Variants in PDE1A observed in about 807,000 individuals in gnomAD.
The protein encoded by PDE1A is phosphodiesterase 1A, also known as dual specificity calcium/calmodulin-dependent 3',5'-cyclic nucleotide phosphodiesterase 1A.
A neutral mutation model predicts 61.7 loss-of-function variants in PDE1A; 35 were observed. The observed-to-expected ratio is 0.57, with a 90% CI of 0.43 to 0.75. The LOEUF is 0.75. Ranked by LOEUF, PDE1A falls within the 30% of genes least tolerant of loss-of-function variation. PDE1A has a pLI of 0.00. For missense variants in PDE1A, 597 were observed against 630.6 expected (o/e 0.95, Z 0.57); for synonymous variants, 232 against 213.2 (o/e 1.09, Z -0.77).
chr2:182,343,994 C>G (rs1698360788), intron 1 of PDE1A, among the ~76,000 whole-genome samples: 1 of 151,830 alleles, frequency 6.6e-6, no homozygotes. Context: ...TCTCAGCTTC[C>G]CAAGTAACTG....
At chr2:182,536,582 G>A in the PDE1A span, among the ~76,000 whole-genome samples, 457 of 152,250 alleles carry the variant, frequency 3.0e-3, 3 homozygotes, top group African/African-American at 0.011. Context: ...AAAATAAATA[G>A]AGCAAAGTCT....
At chr2:182,531,815 A>T in the PDE1A span, among the ~76,000 whole-genome samples, 1 of 152,198 alleles carries the variant, frequency 6.6e-6, no homozygotes, top group East Asian at 1.9e-4. Flanking sequence ...CTCATCATTT[A>T]CATTAGGTAT....
chr2:182,396,471 TA>T, intron 1 of PDE1A, among the ~76,000 whole-genome samples: 1 of 152,316 alleles, frequency 6.6e-6, no homozygotes, highest in East Asian at 1.9e-4. Flanking sequence ...TAGAAGAAGG[TA>T]GTCATTAATA....
At chr2:182,696,355 G>C in the PDE1A span, among the ~76,000 whole-genome samples, 1 of 152,070 alleles carries the variant, frequency 6.6e-6, no homozygotes, top group Non-Finnish European at 1.5e-5. Flanking sequence ...GGGAGAGAAG[G>C]CATTCCGTAA....
intron 1 of PDE1A, among the ~76,000 whole-genome samples, chr2:182,334,846 G>C (rs892492452): frequency 6.6e-6 from 1 of 152,160 alleles, no homozygotes; most frequent in Non-Finnish European, 1.5e-5. Flanking sequence ...GTCTCTGTTT[G>C]CAGATGACAT....
the PDE1A span, among the ~76,000 whole-genome samples, chr2:182,541,367 A>G: frequency 2.0e-5 from 3 of 152,342 alleles, no homozygotes; most frequent in Admixed American, 2.0e-4. Flanking sequence ...AAAAGCCAAC[A>G]GAGATTAAGA....
At chr2:182,516,434 T>C (rs970509203) in intron 2 of PDE1A, among the ~76,000 whole-genome samples, 4 of 151,994 alleles carry the variant, frequency 2.6e-5, no homozygotes, top group South Asian at 2.1e-4. Context: ...GCGAATCACT[T>C]GAGCCCAGGC....
intron 1 of PDE1A, among the ~76,000 whole-genome samples, chr2:182,276,639 T>C (rs1693432514): frequency 6.6e-6 from 1 of 152,008 alleles, no homozygotes; most frequent in African/African-American, 2.4e-5. Context: ...ATAACAGCAA[T>C]TTTAGGGAAC....
At chr2:182,710,656 C>T in the PDE1A span, among the ~76,000 whole-genome samples, 52 of 152,320 alleles carry the variant, frequency 3.4e-4, no homozygotes, top group African/African-American at 1.2e-3. Flanking sequence ...ATGTCTTCCA[C>T]ATTTATCTAT....
the PDE1A span, among the ~76,000 whole-genome samples, chr2:182,608,788 G>A: frequency 1.3e-5 from 2 of 152,280 alleles, no homozygotes; most frequent in African/African-American, 2.4e-5. Flanking sequence ...TGCGGCCGCA[G>A]GGCGCGGGAC....
the PDE1A span, among the ~76,000 whole-genome samples, chr2:182,644,287 G>C: frequency 1.3e-5 from 2 of 150,444 alleles, no homozygotes; most frequent in East Asian, 2.0e-4. Flanking sequence ...GTGTGTGTGT[G>C]TGTGTGTGTG....
chr2:182,370,983 AGAG>A (rs1191769590), intron 1 of PDE1A, among the ~76,000 whole-genome samples: 1 of 152,206 alleles, frequency 6.6e-6, no homozygotes, highest in Non-Finnish European at 1.5e-5. Context: ...ATACAGCAAA[AGAG>A]GAGGAGGACT....
chr2:182,143,839 T>C (rs768696868), downstream of PDE1A, among the ~76,000 whole-genome samples: 1 of 152,300 alleles, frequency 6.6e-6, no homozygotes, highest in Non-Finnish European at 1.5e-5. Context: ...ATCTTTCTAA[T>C]AGATAGTGGT....
At chr2:182,564,307 C>T in the PDE1A span, among the ~76,000 whole-genome samples, 3 of 152,140 alleles carry the variant, frequency 2.0e-5, no homozygotes, top group Non-Finnish European at 4.4e-5. Context: ...TTCTCCTTCA[C>T]TTATGAAGCT....
intron 1 of PDE1A, among the ~76,000 whole-genome samples, chr2:182,353,070 A>T (rs1398228782): frequency 6.6e-6 from 1 of 152,224 alleles, no homozygotes; most frequent in Non-Finnish European, 1.5e-5. Context: ...TAGCTTGACA[A>T]CTACTATCAC....
At chr2:182,614,640 C>T in the PDE1A span, among the ~76,000 whole-genome samples, 1 of 150,504 alleles carries the variant, frequency 6.6e-6, no homozygotes, top group Non-Finnish European at 1.5e-5. Flanking sequence ...TCACTGCAGC[C>T]TCCACCTCCT....
At chr2:182,251,758 C>A (rs1352645729) in intron 2 of PDE1A, among the ~76,000 whole-genome samples, 1 of 152,152 alleles carries the variant, frequency 6.6e-6, no homozygotes, top group Non-Finnish European at 1.5e-5. Flanking sequence ...AGTGATGAGG[C>A]ATGTTGGTGA....
the PDE1A span, among the ~76,000 whole-genome samples, chr2:182,624,811 C>G: frequency 6.6e-6 from 1 of 152,178 alleles, no homozygotes; most frequent in Non-Finnish European, 1.5e-5. Flanking sequence ...GTTCCATGCC[C>G]CAGAGATTGA....
At chr2:182,626,575 T>A in the PDE1A span, among the ~76,000 whole-genome samples, 1 of 150,448 alleles carries the variant, frequency 6.6e-6, no homozygotes, top group Non-Finnish European at 1.5e-5. Flanking sequence ...CTCCCTTCAT[T>A]CTGGAGAACA....
Sources: gnomAD v4.1 joint callset for allele counts (sites outside exome capture counted in the v4.1 genomes callset) on GRCh38, gnomAD v4.1.1 for gene constraint, MANE v1.5 for transcripts, NCBI Gene and HGNC (gene_info 2026-07-23, HGNC 2026-07-21) for gene names.